Variants in WBP2NL observed in about 807,000 individuals in gnomAD.
The protein encoded by WBP2NL is WBP2 N-terminal like.
A neutral mutation model predicts 23.3 loss-of-function variants in WBP2NL; 27 were observed. The observed-to-expected ratio is 1.16, with a 90% CI of 0.85 to 1.60. The LOEUF (loss-of-function observed/expected upper bound fraction) is 1.60. WBP2NL is among the 40% of genes most tolerant of loss of function. The probability of loss-of-function intolerance (pLI) is 0.00; values close to 1 mark genes in which losing one functional copy is unlikely to be tolerated. For missense variants in WBP2NL, 370 were observed against 389.5 expected (o/e 0.95, Z 0.42); for synonymous variants, 151 against 145.9 (o/e 1.03, Z -0.25).
intron 5 of WBP2NL, among the ~76,000 whole-genome samples, chr22:42,026,126 G>T (rs1924452350): frequency 6.6e-6 from 1 of 151,806 alleles, no homozygotes; most frequent in Non-Finnish European, 1.5e-5. Context: ...AAAAAAATTA[G>T]CTGGGCATGG....
intron 5 of WBP2NL, 81 bp from the exon 6 acceptor site, chr22:42,026,685 A>G: frequency 6.5e-7 from 1 of 1,543,416 alleles, no homozygotes; most frequent in Non-Finnish European, 8.7e-7. Flanking sequence ...TTGCTTCAGC[A>G]TTATTTTTTA....
intron 8 of WBP2NL, among the ~76,000 whole-genome samples, chr22:42,038,273 T>TAC (rs2146814278): frequency 6.6e-6 from 1 of 152,366 alleles, no homozygotes; most frequent in East Asian, 1.9e-4. Context: ...TGTGATTTAC[T>TAC]ACATTGGTTG....
rs752623872 is a variant in WBP2NL, at chr22:42,019,986, T to A, written c.314-18T>A. 26 of 1,611,752 alleles carry A rather than the reference T, an allele frequency of 1.6e-5. No homozygotes were observed. Among genetic ancestry groups the A allele is most frequent in the Non-Finnish European group, 2.0e-5 (23 of 1,178,134 alleles). On this transcript the variant is annotated intron_variant, in intron 3 of 5. Transcript: ENST00000328823. ...CTATGCCAGTTTCTTGGTGAGTGTG[T>A]GCCATTTCTTCCCCCAGGTGGCTGG... is the stretch of plus-strand genomic sequence containing the variant.
At chr22:42,018,870 A>G (rs1373907744) in intron 1 of WBP2NL, among the ~76,000 whole-genome samples, 1 of 151,426 alleles carries the variant, frequency 6.6e-6, no homozygotes, top group Non-Finnish European at 1.5e-5. Context: ...AGTAGTAGTA[A>G]TAGTAGCAGT....
chr22:42,027,377 T>G lies in WBP2NL; in HGVS notation c.*196T>G, dbSNP rs1256864209. ...AGATTTTAGAAGCAGAATCAACTCT[T>G]AAATAGCTGGCTAAAGGAAGAATAC... On this transcript the variant is annotated 3_prime_UTR_variant, in exon 6 of 6. Coordinates refer to ENST00000328823, the MANE Select transcript of WBP2NL (RefSeq NM_152613.3). 24 of 631,940 alleles carry G rather than the reference T, an allele frequency of 3.8e-5. No homozygotes were observed. Among genetic ancestry groups the G allele is most frequent in the Admixed American group, 6.8e-5 (2 of 29,234 alleles). The allele number at this position is 631,940 out of a possible 1,614,324, so 39.1% of individuals were successfully genotyped here.
At chr22:42,004,341 C>G (rs1922004477) in intron 1 of WBP2NL, among the ~76,000 whole-genome samples, 1 of 152,138 alleles carries the variant, frequency 6.6e-6, no homozygotes, top group African/African-American at 2.4e-5. Context: ...TGCCTGTAAT[C>G]CCAGAACTTT....
downstream of WBP2NL, among the ~76,000 whole-genome samples, chr22:42,029,106 C>T (rs1297309724): frequency 6.6e-6 from 1 of 152,144 alleles, no homozygotes; most frequent in East Asian, 1.9e-4. Context: ...ATTTCATTGG[C>T]CTTTCCTTAT....
At chr22:42,043,391 G>A (rs1925470022) in intron 8 of WBP2NL, among the ~76,000 whole-genome samples, 1 of 152,216 alleles carries the variant, frequency 6.6e-6, no homozygotes, top group Admixed American at 6.5e-5. Flanking sequence ...CTCGTGGTGT[G>A]TATATGCTCA....
chr22:42,010,594 A>G (rs1278297810), intron 1 of WBP2NL, among the ~76,000 whole-genome samples: 1 of 151,570 alleles, frequency 6.6e-6, no homozygotes, highest in Non-Finnish European at 1.5e-5. Flanking sequence ...GCTGGAGTGC[A>G]GTGGCGCAAT....
intron 1 of WBP2NL, among the ~76,000 whole-genome samples, chr22:42,008,082 TCTC>T (rs1469660746): frequency 9.8e-4 from 104 of 106,210 alleles, no homozygotes; most frequent in African/African-American, 3.2e-3. Flanking sequence ...TCTCTTCTCT[TCTC>T]CTCTTCCTTT....
intron 1 of WBP2NL, among the ~76,000 whole-genome samples, chr22:42,013,957 T>G (rs547777181): frequency 6.6e-6 from 1 of 152,220 alleles, no homozygotes; most frequent in South Asian, 2.1e-4. Flanking sequence ...ATTTTTTGTA[T>G]TTTTAGTAGA....
At chr22:41,999,956 C>T (rs133305) in intron 1 of WBP2NL, among the ~76,000 whole-genome samples, 65,061 of 151,946 alleles carry the variant, frequency 0.43, 15,045 homozygotes, top group East Asian at 0.85. Context: ...TCACTAAGGC[C>T]TGACTCCACT....
At chr22:41,999,169 G>C (rs1266359573) in intron 1 of WBP2NL, among the ~76,000 whole-genome samples, 2 of 152,320 alleles carry the variant, frequency 1.3e-5, no homozygotes, top group East Asian at 1.9e-4. Flanking sequence ...GGGCGGGGAG[G>C]GGGTGCGAGA....
At chr22:42,048,368 T>TA (rs1251503288) in intron 8 of WBP2NL, among the ~76,000 whole-genome samples, 1 of 144,796 alleles carries the variant, frequency 6.9e-6, no homozygotes, top group African/African-American at 2.6e-5. Context: ...AGCCTGGCAA[T>TA]AGAGCAAGAC....
chr22:42,005,562 T>A (rs1922148511), intron 1 of WBP2NL, among the ~76,000 whole-genome samples: 1 of 152,154 alleles, frequency 6.6e-6, no homozygotes, highest in Non-Finnish European at 1.5e-5. Context: ...TGGCAGACCA[T>A]CCACATTAAT....
At chr22:42,016,325 G>C (rs761659966) in intron 1 of WBP2NL, among the ~76,000 whole-genome samples, 1 of 151,322 alleles carries the variant, frequency 6.6e-6, no homozygotes, top group Non-Finnish European at 1.5e-5. Flanking sequence ...CATCAGTCCC[G>C]GGAAAATTAC....
downstream of WBP2NL, among the ~76,000 whole-genome samples, chr22:42,034,057 C>T (rs187138087): frequency 3.9e-5 from 6 of 152,310 alleles, 1 homozygote; most frequent in South Asian, 1.0e-3. Flanking sequence ...CCAAGCTGCC[C>T]TCAGCTCCCC....
At chr22:42,056,760 GAT>G (rs1228283688) in intron 8 of WBP2NL, among the ~76,000 whole-genome samples, 1 of 151,924 alleles carries the variant, frequency 6.6e-6, no homozygotes, top group African/African-American at 2.4e-5. Context: ...GAGTACATGA[GAT>G]GTTTTGATAC....
chr22:42,045,832 A>G (rs1377922361), intron 8 of WBP2NL, among the ~76,000 whole-genome samples: 1 of 152,238 alleles, frequency 6.6e-6, no homozygotes, highest in Middle Eastern at 3.2e-3. Flanking sequence ...ATTATAACTG[A>G]TTTACATTTT....
Sources: allele counts gnomAD v4.1 joint callset (sites outside exome capture counted in the v4.1 genomes callset), GRCh38; gene constraint gnomAD v4.1.1; transcripts MANE v1.5; gene names NCBI Gene and HGNC (gene_info 2026-07-23, HGNC 2026-07-21).